The following DPP4 variants were observed in gnomAD, a reference collection of about 807,000 sequenced individuals.
The protein encoded by DPP4 is dipeptidyl peptidase 4, also known as ADCP-2.
Under a neutral mutation model 122.4 loss-of-function variants are expected in DPP4, and 93 were observed. The observed-to-expected ratio is 0.76, with a 90% CI of 0.64 to 0.90. The LOEUF (loss-of-function observed/expected upper bound fraction) is 0.90. Ranked by LOEUF, DPP4 falls within the 40% of genes least tolerant of loss-of-function variation. The pLI is 0.00. For missense variants in DPP4, 914 were observed against 907.3 expected, an observed-to-expected ratio of 1.01 and a Z score of -0.09; for synonymous variants, 321 against 302.9, an observed-to-expected ratio of 1.06 and a Z score of -0.62.
At chr2:162,007,973 T>TC (rs1156506742) in intron 22 of DPP4, among the ~76,000 whole-genome samples, 9 of 152,054 alleles carry the variant, frequency 5.9e-5, no homozygotes, top group African/African-American at 2.2e-4. Context: ...CACTTCTGAA[T>TC]CCCCCCTCCT....
intron 10 of DPP4, among the ~76,000 whole-genome samples, chr2:162,027,408 G>C (rs1429868020): frequency 6.6e-6 from 1 of 151,828 alleles, no homozygotes; most frequent in African/African-American, 2.4e-5. Flanking sequence ...ATGGGCAGTG[G>C]ACTGCATTTG....
chr2:162,037,381 T>C (rs1462864873), intron 8 of DPP4, among the ~76,000 whole-genome samples: 1 of 152,204 alleles, frequency 6.6e-6, no homozygotes, highest in African/African-American at 2.4e-5. Flanking sequence ...GTAAATTTCA[T>C]TGTAAGTTTT....
At chr2:162,032,753 G>A (rs563466862) in intron 10 of DPP4, among the ~76,000 whole-genome samples, 8 of 151,718 alleles carry the variant, frequency 5.3e-5, no homozygotes, top group Non-Finnish European at 8.8e-5. Flanking sequence ...ACAGAAATGA[G>A]TAAATATGGA....
Position 162,020,253 on chromosome 2 carries a change from A to G in DPP4, c.1220T>C (p.Ile407Thr). The stretch of plus-strand genomic sequence containing the variant: ...CAGATAATCACTGGTTAGAGCTTCT[A>G]TCCCGATGACTTCCCAGGTGCCTTT... ...ITKGTWEVIGIEALTSDYLYY... is the reference protein window; with the variant it reads ...ITKGTWEVIGTEALTSDYLYY... The change falls in exon 14 of 26, where the codon ATA becomes ACA. Residue 407 changes from isoleucine (I) to threonine (T), a missense_variant. Transcript: ENST00000360534. The G allele has an allele frequency of 6.2e-7, 1 of 1,608,980 alleles. No homozygotes were observed. Among genetic ancestry groups the G allele is most frequent in the African/African-American group, 1.4e-5 (1 of 73,884 alleles).
In DPP4 at chr2:161,995,391, A is replaced by G. The variant is rs367965235; in HGVS notation, c.2053-19T>C. 4.4e-6 allele frequency: 7 copies of G among 1,604,078 alleles called. No individual in the cohort carries two copies. In the African/African-American group the frequency reaches 6.7e-5, roughly 15 times the overall value. On this transcript the variant is annotated intron_variant, in intron 23 of 25. Transcript: ENST00000360534. ...TTGAATTCTGGAATTGGGAGAAAGA[A>G]TGTCATTATTCAAAAAAGGATCTGC... is the stretch of plus-strand genomic sequence containing the variant.
At chr2:162,071,996 C>G (rs559312829) in intron 2 of DPP4, among the ~76,000 whole-genome samples, 1 of 152,162 alleles carries the variant, frequency 6.6e-6, no homozygotes, top group South Asian at 2.1e-4. Context: ...GAGAAACATA[C>G]AGATTATTTC....
At position 161,995,521 on chromosome 2, in the gene DPP4, A is replaced by C. The variant is rs1700979288; in HGVS notation, c.2053-149T>G. 1.0e-5 allele frequency: 7 copies of C among 676,260 alleles called. No homozygotes were observed. In the South Asian group the frequency reaches 1.2e-4, roughly 12 times the overall value. The allele number at this position is 676,260 out of a possible 1,614,324, so 41.9% of individuals were successfully genotyped here. ...CGATATTCAAGCAAATGCTGTCTCC[A>C]TGCATGGCAGAATGCACAGCATGCC... is the stretch of plus-strand genomic sequence containing the variant. On this transcript the variant is annotated intron_variant, in intron 23 of 25. Coordinates refer to ENST00000360534, the MANE Select transcript of DPP4 (RefSeq NM_001935.4).
At chr2:162,062,699 T>A (rs1428806126) in intron 2 of DPP4, among the ~76,000 whole-genome samples, 1 of 152,220 alleles carries the variant, frequency 6.6e-6, no homozygotes, top group Non-Finnish European at 1.5e-5. Context: ...GCATGTTAAA[T>A]CCTTCTCATG....
intron 25 of DPP4, among the ~76,000 whole-genome samples, chr2:161,994,483 G>A (rs902498690): frequency 1.3e-5 from 2 of 152,146 alleles, no homozygotes; most frequent in East Asian, 1.9e-4. Flanking sequence ...ATCGCCTGTG[G>A]TTATTCAACA....
At chr2:161,993,424 G>T in intron 25 of DPP4, 40 bp from the exon 26 acceptor site, 2 of 1,387,128 alleles carry the variant, frequency 1.4e-6, no homozygotes, top group Non-Finnish European at 2.0e-6. Flanking sequence ...TAGGAAGTCA[G>T]TACTCTTCTT....
intron 23 of DPP4, among the ~76,000 whole-genome samples, chr2:162,004,266 G>T (rs1701224977): frequency 6.6e-6 from 1 of 152,134 alleles, no homozygotes; most frequent in Non-Finnish European, 1.5e-5. Context: ...GAGAAGACAA[G>T]ATAAGGGGAG....
At chr2:162,044,208 C>T (rs1046826119) in intron 5 of DPP4, among the ~76,000 whole-genome samples, 15 of 152,146 alleles carry the variant, frequency 9.9e-5, no homozygotes, top group African/African-American at 3.1e-4. Context: ...TAATTGGCAA[C>T]AGATGTGTCA....
intron 2 of DPP4, among the ~76,000 whole-genome samples, chr2:162,072,885 A>G (rs913610889): frequency 6.6e-6 from 1 of 151,940 alleles, no homozygotes; most frequent in East Asian, 1.9e-4. Flanking sequence ...CCACCCTCCA[A>G]CTGAATTCTC....
chr2:162,039,362 T>A (rs1322958763), intron 5 of DPP4, among the ~76,000 whole-genome samples, 178 bp from the exon 6 acceptor site: 1 of 152,028 alleles, frequency 6.6e-6, no homozygotes, highest in Non-Finnish European at 1.5e-5. Flanking sequence ...GATCATCTCA[T>A]ACAAACTCCT....
rs1040590706 is a variant in DPP4 at position 162,070,228 on chromosome 2, A to G, written c.94+3171T>C. On this transcript the variant is annotated intron_variant, in intron 2 of 25. Coordinates refer to ENST00000360534, the MANE Select transcript of DPP4 (RefSeq NM_001935.4). ...TTATTATATACACAGAAGAGGGTGAACTTTTGATTGTGCTTGGTGAAATGA... is the reference window on the plus strand; with the variant it reads ...TTATTATATACACAGAAGAGGGTGAGCTTTTGATTGTGCTTGGTGAAATGA... Among the ~76,000 whole-genome samples, 29 of 152,316 alleles carry G rather than the reference A, an allele frequency of 1.9e-4. 1 individual carries two copies. The highest frequency in any genetic ancestry group is 6.7e-4 in the African/African-American group (28 of 41,574).
At chr2:162,051,452 G>A (rs1305182725) in intron 2 of DPP4, among the ~76,000 whole-genome samples, 1 of 152,152 alleles carries the variant, frequency 6.6e-6, no homozygotes, top group Admixed American at 6.5e-5. Flanking sequence ...AAAATAAACT[G>A]TTTTGGTAAA....
intron 8 of DPP4, among the ~76,000 whole-genome samples, chr2:162,037,538 A>T (rs1683822156): frequency 6.6e-6 from 1 of 152,218 alleles, no homozygotes; most frequent in African/African-American, 2.4e-5. Context: ...TTTAAACTAC[A>T]AAGAAGAAAA....
chr2:162,057,696 G>A (rs767960987), intron 2 of DPP4, among the ~76,000 whole-genome samples: 1 of 152,104 alleles, frequency 6.6e-6, no homozygotes, highest in Non-Finnish European at 1.5e-5. Flanking sequence ...CACTTTCTCA[G>A]TTACCTCAGA....
In DPP4 at chr2:162,008,794, C is replaced by T. The variant is rs1279984472; in HGVS notation, c.1888-133G>A. On this transcript the variant is annotated intron_variant, in intron 21 of 25. Coordinates refer to ENST00000360534, the MANE Select transcript of DPP4 (RefSeq NM_001935.4). ...GAGATAAAAAGCATGGTATAGGAGG[C>T]TTAAATTGGCCTTAATTGGACAGTA... is the stretch of plus-strand genomic sequence containing the variant. 9.5e-6 allele frequency: 7 copies of T among 736,676 alleles called. No homozygotes were observed. In the Admixed American group the frequency reaches 1.5e-4, roughly 15 times the overall value. 45.6% of individuals were successfully genotyped at this position (736,676 alleles called of 1,614,324 possible). A position where few individuals can be genotyped will look rare whatever the true frequency, so the allele number is the denominator to read the frequency against.
Sources: allele counts gnomAD v4.1 joint callset (sites outside exome capture counted in the v4.1 genomes callset), GRCh38; gene constraint gnomAD v4.1.1; transcripts MANE v1.5; gene names NCBI Gene and HGNC (gene_info 2026-07-23, HGNC 2026-07-21).